Variants in ANKRD6 observed in about 807,000 individuals in gnomAD.
ANKRD6 encodes ankyrin repeat domain 6.
Under a neutral mutation model 82.3 loss-of-function variants are expected in ANKRD6, and 56 were observed. That is an observed-to-expected ratio of 0.68 (90% CI 0.55 to 0.85). The LOEUF (loss-of-function observed/expected upper bound fraction) is 0.85, where lower values mean the gene tolerates loss of function less well. Among genes scored for constraint, ANKRD6 ranks in the 40% least tolerant of loss-of-function variants. The pLI is 0.00. For synonymous variants in ANKRD6, 347 were observed against 352.1 expected, an observed-to-expected ratio of 0.99 and a Z score of 0.16; for missense variants, 852 against 907.6, an observed-to-expected ratio of 0.94 and a Z score of 0.79.
intron 1 of ANKRD6, among the ~76,000 whole-genome samples, chr6:89,459,339 A>G (rs560431518): frequency 2.6e-5 from 4 of 152,110 alleles, no homozygotes; most frequent in Non-Finnish European, 4.4e-5. Flanking sequence ...CGGCCTCCCA[A>G]AGTGTTGGGA....
chr6:89,452,499 C>G (rs1363753055), intron 1 of ANKRD6, among the ~76,000 whole-genome samples: 2 of 152,092 alleles, frequency 1.3e-5, no homozygotes, highest in African/African-American at 4.8e-5. Context: ...CTGCCTGAGC[C>G]CCACAGAGTA....
intron 1 of ANKRD6, among the ~76,000 whole-genome samples, chr6:89,535,071 T>TG (rs969762010): frequency 2.0e-5 from 3 of 152,036 alleles, no homozygotes; most frequent in Non-Finnish European, 2.9e-5. Flanking sequence ...ATAGCTTCTT[T>TG]GGGGGGAAAA....
intron 2 of ANKRD6, among the ~76,000 whole-genome samples, chr6:89,582,304 C>T (rs1433726808): frequency 1.3e-5 from 2 of 152,044 alleles, no homozygotes; most frequent in Non-Finnish European, 2.9e-5. Flanking sequence ...ATCCTCCCAC[C>T]TTAGCCTGCC....
intron 1 of ANKRD6, among the ~76,000 whole-genome samples, chr6:89,498,736 T>C (rs142426997): frequency 9.8e-5 from 15 of 152,360 alleles, no homozygotes; most frequent in South Asian, 2.1e-4. Context: ...TTCTGTTGAT[T>C]TGGGAGCCCA....
intron 2 of ANKRD6, 43 bp from the exon 3 acceptor site, chr6:89,595,873 T>C: frequency 2.7e-6 from 4 of 1,504,228 alleles, no homozygotes; most frequent in East Asian, 2.4e-5. Flanking sequence ...GGGAGTAGCA[T>C]TGAGGACTTG....
At chr6:89,462,275 C>A (rs1053983676) in intron 1 of ANKRD6, among the ~76,000 whole-genome samples, 11 of 126,102 alleles carry the variant, frequency 8.7e-5, no homozygotes, top group East Asian at 4.5e-4. Context: ...ATAATAAATA[C>A]ATAAATAAAA....
chr6:89,613,835 T>A lies in ANKRD6; in HGVS notation c.560T>A (p.Leu187Ter). The change falls in exon 7 of 16, where the codon TTG (leucine) becomes TAG (stop). Residue 187 changes from leucine to a stop codon, truncating the protein, a stop_gained. Coordinates refer to ENST00000339746, the MANE Select transcript of ANKRD6 (RefSeq NM_001242809.2). LOFTEE classifies it high-confidence loss of function. ...CLHVAARYNH[L>*]SIIRLLLTAF... ...CACGTTGCTGCGCGCTATAATCACT[T>A]GTCCATCATTAGGCTCCTCCTCACT... 6.2e-7 allele frequency: 1 copy of A among 1,614,076 alleles called. No individual in the cohort carries two copies. The highest frequency in any genetic ancestry group is 8.5e-7 in the Non-Finnish European group (1 of 1,179,910).
intron 7 of ANKRD6, chr6:89,616,268 GT>G (rs2128229996): frequency 1.0e-5 from 4 of 393,126 alleles, no homozygotes; most frequent in Non-Finnish European, 1.9e-5. Flanking sequence ...GAGGCTTCAG[GT>G]CCCACCATTC....
At chr6:89,535,494 C>T (rs1185921923) in intron 1 of ANKRD6, among the ~76,000 whole-genome samples, 1 of 152,134 alleles carries the variant, frequency 6.6e-6, no homozygotes, top group Non-Finnish European at 1.5e-5. Flanking sequence ...TTGGATTCGC[C>T]AATAAATATG....
In ANKRD6 at chr6:89,559,288, T is replaced by C. The variant is rs184035575; in HGVS notation, c.-143-7546T>C. Among the ~76,000 whole-genome samples the C allele has an allele frequency of 3.4e-3, 513 of 152,310 alleles. 3 individuals carry two copies. The highest frequency in any genetic ancestry group is 8.2e-3 in the Admixed American group (125 of 15,298). ...CTTTCAGACCACTCTGCCTTTTTGCTCTTGCTGTTTCCTCTGCCTGTGTCT... is the reference window on the plus strand; with the variant it reads ...CTTTCAGACCACTCTGCCTTTTTGCCCTTGCTGTTTCCTCTGCCTGTGTCT... On this transcript the variant is annotated intron_variant, in intron 1 of 15. Transcript: ENST00000339746.
intron 1 of ANKRD6, among the ~76,000 whole-genome samples, chr6:89,472,942 A>G (rs1204503053): frequency 6.6e-6 from 1 of 152,104 alleles, no homozygotes; most frequent in Non-Finnish European, 1.5e-5. Flanking sequence ...TATACTTTTT[A>G]TTTAATAGAG....
intron 1 of ANKRD6, among the ~76,000 whole-genome samples, chr6:89,527,796 G>A (rs1782683376): frequency 1.3e-5 from 2 of 151,788 alleles, no homozygotes; most frequent in Admixed American, 6.6e-5. Context: ...GGGTTGCTAT[G>A]GCAATTTTGT....
intron 2 of ANKRD6, among the ~76,000 whole-genome samples, chr6:89,572,285 A>G (rs1790095748): frequency 6.6e-6 from 1 of 152,214 alleles, no homozygotes; most frequent in Admixed American, 6.5e-5. Context: ...TTTTCACTAG[A>G]TACCAAGGAG....
At position 89,486,199 on chromosome 6, in the gene ANKRD6, A is replaced by C. The variant is rs150761700; in HGVS notation, c.-144+52824A>C. On this transcript the variant is annotated intron_variant, in intron 1 of 15. Transcript: ENST00000339746. ...TAGCCAGTGACAGACCATCTATAGG[A>C]AGGTGGTCCCAAAAGATTATGATGG... is the stretch of plus-strand genomic sequence containing the variant. Among the ~76,000 whole-genome samples, 141 of 152,310 alleles carry C rather than the reference A, an allele frequency of 9.3e-4. 1 individual carries two copies. In the South Asian group the frequency reaches 0.012, roughly 13 times the overall value.
At chr6:89,492,191 G>A (rs538894089) in intron 1 of ANKRD6, among the ~76,000 whole-genome samples, 32 of 152,324 alleles carry the variant, frequency 2.1e-4, no homozygotes, top group Admixed American at 1.6e-3. Context: ...TGGAGAGAGC[G>A]CCGGGGCTGG....
intron 1 of ANKRD6, among the ~76,000 whole-genome samples, chr6:89,483,720 T>C (rs568308286): frequency 1.1e-4 from 16 of 152,228 alleles, no homozygotes; most frequent in South Asian, 4.1e-4. Flanking sequence ...TGAATACTAC[T>C]AGGTGATTAT....
chr6:89,487,429 C>T (rs1402560972), intron 1 of ANKRD6, among the ~76,000 whole-genome samples: 3 of 152,170 alleles, frequency 2.0e-5, no homozygotes, highest in Non-Finnish European at 4.4e-5. Flanking sequence ...GAACAAACAG[C>T]AGTTTAAAGC....
chr6:89,603,872 A>G (rs1797873278), intron 4 of ANKRD6, among the ~76,000 whole-genome samples: 1 of 152,206 alleles, frequency 6.6e-6, no homozygotes, highest in Admixed American at 6.5e-5. Flanking sequence ...GTGGTAGTGT[A>G]CACACCTGTA....
At chr6:89,467,868 A>G (rs1019660486) in intron 1 of ANKRD6, among the ~76,000 whole-genome samples, 2 of 152,224 alleles carry the variant, frequency 1.3e-5, no homozygotes, top group African/African-American at 2.4e-5. Flanking sequence ...CATGAAGCAT[A>G]TATTTCGTGA....
Sources: allele counts gnomAD v4.1 joint callset (sites outside exome capture counted in the v4.1 genomes callset), GRCh38; gene constraint gnomAD v4.1.1; transcripts MANE v1.5; gene names NCBI Gene and HGNC (gene_info 2026-07-23, HGNC 2026-07-21).